The following SYT2 variants were observed in gnomAD, a reference collection of about 807,000 sequenced individuals.
SYT2 encodes synaptotagmin-2.
A neutral mutation model predicts 39.9 loss-of-function variants in SYT2; 15 were observed. The observed-to-expected ratio is 0.38, with a 90% CI of 0.25 to 0.58. The LOEUF (loss-of-function observed/expected upper bound fraction) is 0.58, where lower values mean the gene tolerates loss of function less well. Among genes scored for constraint, SYT2 ranks in the 20% least tolerant of loss-of-function variants. SYT2 has a pLI of 0.70. For missense variants in SYT2, 389 were observed against 530.3 expected, an observed-to-expected ratio of 0.73 and a Z score of 2.62; for synonymous variants, 181 against 204.5, an observed-to-expected ratio of 0.89 and a Z score of 0.98.
At chr1:202,634,234 C>T (rs1466188143) in intron 1 of SYT2, among the ~76,000 whole-genome samples, 2 of 152,188 alleles carry the variant, frequency 1.3e-5, no homozygotes, top group African/African-American at 2.4e-5. Context: ...AATAAGTATA[C>T]TGGCCGGGAG....
At chr1:202,653,499 G>C (rs1423096406) in intron 1 of SYT2, among the ~76,000 whole-genome samples, 2 of 142,200 alleles carry the variant, frequency 1.4e-5, no homozygotes, top group Non-Finnish European at 1.5e-5. Flanking sequence ...ATCTAGCACA[G>C]TCTGGGCACA....
intron 1 of SYT2, chr1:202,639,922 T>C (rs1450104672): frequency 3.7e-6 from 3 of 815,794 alleles, no homozygotes; most frequent in African/African-American, 1.9e-5. Flanking sequence ...TGTGATAACA[T>C]AGAACCTCAA....
At chr1:202,705,818 C>T (rs1016675984) in intron 1 of SYT2, among the ~76,000 whole-genome samples, 1 of 151,700 alleles carries the variant, frequency 6.6e-6, no homozygotes, top group Non-Finnish European at 1.5e-5. Flanking sequence ...TGGGCTCAGG[C>T]GATCCTCCTG....
intron 1 of SYT2, among the ~76,000 whole-genome samples, chr1:202,687,500 A>G (rs1180031619): frequency 6.6e-6 from 1 of 152,092 alleles, no homozygotes; most frequent in African/African-American, 2.4e-5. Context: ...ATCGACCTTC[A>G]GCTGAGCGTG....
intron 1 of SYT2, among the ~76,000 whole-genome samples, chr1:202,686,125 G>A (rs1036924233): frequency 1.3e-5 from 2 of 152,124 alleles, no homozygotes; most frequent in Non-Finnish European, 2.9e-5. Flanking sequence ...GTGGCCTGGC[G>A]GGAGGTGTTT....
intron 1 of SYT2, among the ~76,000 whole-genome samples, chr1:202,645,583 T>C (rs1692063714): frequency 6.6e-6 from 1 of 152,180 alleles, no homozygotes; most frequent in South Asian, 2.1e-4. Context: ...TCTGATAAAA[T>C]GGACCAAGAG....
intron 1 of SYT2, among the ~76,000 whole-genome samples, chr1:202,707,409 G>T (rs1368691626): frequency 6.6e-6 from 1 of 152,066 alleles, no homozygotes; most frequent in Non-Finnish European, 1.5e-5. Context: ...CCTCTGACTT[G>T]CTGTTCCAGT....
chr1:202,608,189 A>G (rs1690769586), intron 1 of SYT2, among the ~76,000 whole-genome samples: 1 of 152,014 alleles, frequency 6.6e-6, no homozygotes, highest in South Asian at 2.1e-4. Context: ...TTCATTTAGT[A>G]TGATGTTTTC....
chr1:202,675,244 C>A (rs184739262), intron 1 of SYT2, among the ~76,000 whole-genome samples: 2 of 152,040 alleles, frequency 1.3e-5, no homozygotes, highest in African/African-American at 4.8e-5. Context: ...ATATATTTAA[C>A]GTGCAGTCAT....
intron 1 of SYT2, among the ~76,000 whole-genome samples, chr1:202,666,832 ATT>A (rs1231632290): frequency 6.6e-6 from 1 of 152,324 alleles, no homozygotes; most frequent in African/African-American, 2.4e-5. Context: ...AAATACAAAA[ATT>A]AGCCGGGTGT....
intron 1 of SYT2, among the ~76,000 whole-genome samples, chr1:202,687,541 A>C (rs1653701075): frequency 6.6e-6 from 1 of 151,824 alleles, no homozygotes; most frequent in African/African-American, 2.4e-5. Context: ...CAGAAGAGGC[A>C]CCTCTGCGGA....
At chr1:202,688,795 T>A (rs918179428) in intron 1 of SYT2, among the ~76,000 whole-genome samples, 17 of 151,972 alleles carry the variant, frequency 1.1e-4, no homozygotes, top group Admixed American at 2.0e-4. Flanking sequence ...ATCCACGGGG[T>A]CTTTTAGAAC....
chr1:202,603,400 C>T (rs1177567345), intron 3 of SYT2, among the ~76,000 whole-genome samples: 1 of 152,186 alleles, frequency 6.6e-6, no homozygotes, highest in African/African-American at 2.4e-5. Flanking sequence ...TGGGACCAGG[C>T]CCTGTGCCAA....
chr1:202,694,324 T>C (rs1403609850), intron 1 of SYT2, among the ~76,000 whole-genome samples: 1 of 152,208 alleles, frequency 6.6e-6, no homozygotes, highest in Non-Finnish European at 1.5e-5. Flanking sequence ...GAAGCTGCAT[T>C]CTTCACAAGG....
chr1:202,667,687 AT>A (rs941245676), intron 1 of SYT2, among the ~76,000 whole-genome samples: 7 of 151,748 alleles, frequency 4.6e-5, no homozygotes, highest in Non-Finnish European at 8.8e-5. Context: ...CTTCTCAGAT[AT>A]TTTCTTTTAT....
intron 1 of SYT2, among the ~76,000 whole-genome samples, chr1:202,704,852 C>G (rs1026948091): frequency 3.9e-5 from 6 of 152,222 alleles, no homozygotes; most frequent in African/African-American, 1.4e-4. Flanking sequence ...ACCCTGGGGC[C>G]TCCCTCCTTG....
At position 202,596,731 on chromosome 1, in the gene SYT2, AGGTGTG is replaced by A. The variant is rs748748153; in HGVS notation, c.*20_*25del. ...TCTGGATCTTGTCAGTGTCCGTGAA[AGGTGTG>A]GGGTCCCAGCCGCTGCTGTCTACTT... On this transcript the variant is annotated 3_prime_UTR_variant, in exon 9 of 9. Coordinates refer to ENST00000367268, the MANE Select transcript of SYT2 (RefSeq NM_177402.5). 27 of 1,600,806 alleles carry A rather than the reference AGGTGTG, an allele frequency of 1.7e-5. No individual in the cohort carries two copies. The highest frequency in any genetic ancestry group is 2.2e-5 in the Non-Finnish European group (26 of 1,170,098).
chr1:202,697,769 T>C (rs1411980222), intron 1 of SYT2, among the ~76,000 whole-genome samples: 1 of 152,262 alleles, frequency 6.6e-6, no homozygotes, highest in Non-Finnish European at 1.5e-5. Flanking sequence ...GGTATATGTA[T>C]GTCAGATCAT....
chr1:202,657,655 T>C (rs2149104492), intron 1 of SYT2, among the ~76,000 whole-genome samples: 1 of 151,908 alleles, frequency 6.6e-6, no homozygotes, highest in East Asian at 1.9e-4. Context: ...GACCCCCCTT[T>C]TCTTGGCCTC....
Sources: gnomAD v4.1 joint callset for allele counts (sites outside exome capture counted in the v4.1 genomes callset) on GRCh38, gnomAD v4.1.1 for gene constraint, MANE v1.5 for transcripts, NCBI Gene and HGNC (gene_info 2026-07-23, HGNC 2026-07-21) for gene names.